EPHX2: variants seen among roughly 807,000 people sequenced by gnomAD.
EPHX2 encodes the protein epoxide hydrolase 2.
A neutral mutation model predicts 78.7 loss-of-function variants in EPHX2; 74 were observed. The ratio of observed to expected loss-of-function variants is 0.94; its 90% CI spans 0.78 to 1.14. The LOEUF (loss-of-function observed/expected upper bound fraction) is 1.14, where lower values mean the gene tolerates loss of function less well. Among genes scored for constraint, EPHX2 ranks in the 50% most tolerant of loss-of-function variants. EPHX2 has a pLI of 0.00. For synonymous variants in EPHX2, 251 were observed against 255.2 expected (o/e 0.98, Z 0.16); for missense variants, 715 against 702.5 (o/e 1.02, Z -0.20).
At chr8:27,526,028 C>T (rs2132767331) in intron 12 of EPHX2, among the ~76,000 whole-genome samples, 1 of 152,368 alleles carries the variant, frequency 6.6e-6, no homozygotes, top group Non-Finnish European at 1.5e-5. Context: ...CCGCCTACAG[C>T]TGCCCTCTTC....
chr8:27,545,771 A>G (rs944464245), downstream of EPHX2, among the ~76,000 whole-genome samples: 6 of 152,120 alleles, frequency 3.9e-5, no homozygotes, highest in African/African-American at 9.7e-5. Flanking sequence ...TGGTCCCTCC[A>G]AGCTGAGTTT....
chr8:27,516,157 G>T (rs1814444315), intron 7 of EPHX2, among the ~76,000 whole-genome samples, 163 bp from the exon 8 acceptor site: 1 of 152,182 alleles, frequency 6.6e-6, no homozygotes, highest in African/African-American at 2.4e-5. Context: ...CAGCAGCCCT[G>T]TATAAATGGG....
At chr8:27,535,399 T>C (rs1410466785) in intron 12 of EPHX2, among the ~76,000 whole-genome samples, 1 of 152,044 alleles carries the variant, frequency 6.6e-6, no homozygotes, top group Non-Finnish European at 1.5e-5. Context: ...GGTCTCAAAC[T>C]CCTGACCTCA....
chr8:27,496,685 C>T (rs1813585870), intron 1 of EPHX2, among the ~76,000 whole-genome samples: 1 of 152,152 alleles, frequency 6.6e-6, no homozygotes, highest in Non-Finnish European at 1.5e-5. Context: ...AAGCCTTGAA[C>T]TTTTAAATGT....
rs760084740 is a variant in EPHX2, at chr8:27,522,414, C to T, written c.973-9C>T. The stretch of plus-strand genomic sequence containing the variant: ...CCCACATTCGGCTCCCTTCTTTTTC[C>T]TTCTCTAGGGCCTCTCTCAAGCAGT... On this transcript the variant is annotated splice_polypyrimidine_tract_variant and intron_variant, in intron 10 of 18. Transcript: ENST00000521400. The T allele has an allele frequency of 1.2e-6, 2 of 1,613,064 alleles. No individual in the cohort carries two copies. Among genetic ancestry groups the T allele is most frequent in the South Asian group, 2.2e-5 (2 of 90,940 alleles).
chr8:27,514,866 A>G (rs1814391399), intron 6 of EPHX2, among the ~76,000 whole-genome samples: 1 of 152,200 alleles, frequency 6.6e-6, no homozygotes, highest in Admixed American at 6.5e-5. Flanking sequence ...AGATGGGAAC[A>G]CAGACTTTGT....
chr8:27,542,946 T>C (rs528123166), intron 16 of EPHX2, among the ~76,000 whole-genome samples: 64 of 151,996 alleles, frequency 4.2e-4, no homozygotes, highest in African/African-American at 1.4e-3. Context: ...CCAGCCTCTC[T>C]TCTGCAGTTT....
At position 27,516,364 on chromosome 8, in the gene EPHX2, C is replaced by A. The variant is rs1267444098; in HGVS notation, c.876C>A (p.Asp292Glu). 6.2e-7 allele frequency: 1 copy of A among 1,613,996 alleles called. No individual in the cohort carries two copies. Among genetic ancestry groups the A allele is most frequent in the Non-Finnish European group, 8.5e-7 (1 of 1,180,014 alleles). Residue 292 changes from aspartate to glutamate, a missense_variant, in exon 8 of 19, where the codon GAC (aspartate) becomes GAA (glutamate). Physicochemically the swap from Asp to Glu is conservative, Grantham distance 45 (BLOSUM62 2). Transcript: ENST00000521400. ...CAGGTTACCGGGTCCTAGCTATGGA[C>A]ATGAAAGGCTATGGAGAGTCATCTG... ...AQAGYRVLAM[D>E]MKGYGESSAP... is the part of the protein sequence containing the mutation.
At chr8:27,527,102 G>A (rs1445791804) in intron 12 of EPHX2, among the ~76,000 whole-genome samples, 8 of 152,052 alleles carry the variant, frequency 5.3e-5, no homozygotes, top group African/African-American at 7.2e-5. Context: ...CACCACTCCC[G>A]GCTAGTTTTT....
chr8:27,512,430 C>T (rs1009781088), intron 6 of EPHX2, among the ~76,000 whole-genome samples: 3 of 152,166 alleles, frequency 2.0e-5, no homozygotes, highest in Non-Finnish European at 4.4e-5. Flanking sequence ...GGTGCAGTGA[C>T]GATCAAGACA....
intron 12 of EPHX2, among the ~76,000 whole-genome samples, chr8:27,527,086 G>T (rs956388974): frequency 1.3e-5 from 2 of 152,126 alleles, no homozygotes; most frequent in South Asian, 2.1e-4. Flanking sequence ...GGTCTAAGGT[G>T]CATGCCACCA....
downstream of EPHX2, among the ~76,000 whole-genome samples, chr8:27,547,214 A>C (rs1674870813): frequency 6.6e-6 from 1 of 152,144 alleles, no homozygotes; most frequent in African/African-American, 2.4e-5. Context: ...GGACTGGAAG[A>C]GGTCTTTAGG....
chr8:27,523,323 A>G (rs1037776464), intron 11 of EPHX2, among the ~76,000 whole-genome samples: 10 of 152,210 alleles, frequency 6.6e-5, no homozygotes, highest in Non-Finnish European at 1.3e-4. Flanking sequence ...GGTCCCCACC[A>G]TTTCATTCAT....
rs760494070 is a variant in EPHX2 at position 27,491,277 on chromosome 8, C to A, written c.69C>A (p.Leu23=). The change falls in exon 1 of 19, where the codon CTC becomes CTA. Residue 23 remains leucine, a synonymous_variant. Coordinates refer to ENST00000521400, the MANE Select transcript of EPHX2 (RefSeq NM_001979.6). The stretch of plus-strand genomic sequence containing the variant: ...CGCTGCCAGCGGTGTTCGGCGTCCT[C>A]GGCCGCACGGAGGAGGCCCTGGCGC... ...VLALPAVFGV[L]GRTEEALALP... is the part of the protein sequence containing the mutation. The A allele has an allele frequency of 2.0e-5, 31 of 1,576,060 alleles. No homozygotes were observed. The highest frequency in any genetic ancestry group is 1.8e-4 in the Middle Eastern group (1 of 5,690).
In EPHX2 at chr8:27,491,144, C is replaced by T. The variant is rs1813354634; in HGVS notation, c.-65C>T. On this transcript the variant is annotated 5_prime_UTR_variant, in exon 1 of 19. Transcript: ENST00000521400. The stretch of plus-strand genomic sequence containing the variant: ...CGGGCCAAGCTGGGCGGGTCATGCG[C>T]CCTGGCCTTCGCGCATCTCCCAGGT... 2 of 1,477,304 alleles carry T rather than the reference C, an allele frequency of 1.4e-6. No homozygotes were observed. The highest frequency in any genetic ancestry group is 1.4e-5 in the African/African-American group (1 of 69,426). The allele number at this position is 1,477,304 out of a possible 1,614,324, so 91.5% of individuals were successfully genotyped here.
chr8:27,504,229 C>T (rs768801458), intron 3 of EPHX2, among the ~76,000 whole-genome samples: 5 of 150,896 alleles, frequency 3.3e-5, no homozygotes, highest in Admixed American at 6.6e-5. Context: ...GAACACCTGA[C>T]TCTTGTCATA....
chr8:27,507,327 G>A (rs930557299), intron 5 of EPHX2, among the ~76,000 whole-genome samples: 1 of 152,186 alleles, frequency 6.6e-6, no homozygotes, highest in Non-Finnish European at 1.5e-5. Flanking sequence ...AAGGATCAGG[G>A]CCCCTACCTG....
intron 5 of EPHX2, among the ~76,000 whole-genome samples, chr8:27,509,923 T>A (rs986046682): frequency 5.9e-5 from 9 of 152,088 alleles, no homozygotes; most frequent in Non-Finnish European, 8.8e-5. Context: ...CCCTGGTGTA[T>A]GACCTAGGAA....
At chr8:27,526,601 G>C (rs1195692664) in intron 12 of EPHX2, among the ~76,000 whole-genome samples, 1 of 152,204 alleles carries the variant, frequency 6.6e-6, no homozygotes, top group Non-Finnish European at 1.5e-5. Context: ...AGACTGGGCA[G>C]CTTCAACAAC....
Sources: allele counts gnomAD v4.1 joint callset (sites outside exome capture counted in the v4.1 genomes callset), GRCh38; gene constraint gnomAD v4.1.1; transcripts MANE v1.5; gene names NCBI Gene and HGNC (gene_info 2026-07-23, HGNC 2026-07-21).